Variants in ACVR1 observed in about 807,000 individuals in gnomAD.
ACVR1 encodes activin receptor type-1.
Under a neutral mutation model 57.1 loss-of-function variants are expected in ACVR1, and 38 were observed. The observed-to-expected ratio is 0.67, with a 90% CI of 0.51 to 0.87. The LOEUF is 0.87. Ranked by LOEUF, ACVR1 falls within the 40% of genes least tolerant of loss-of-function variation. The pLI, the probability that ACVR1 is intolerant of heterozygous loss-of-function variation, is 0.00. For missense variants in ACVR1, 463 were observed against 638.2 expected (o/e 0.73, Z 2.96); for synonymous variants, 212 against 228.1 (o/e 0.93, Z 0.63).
At chr2:157,787,669 T>C (rs1361628642) in intron 3 of ACVR1, among the ~76,000 whole-genome samples, 2 of 152,200 alleles carry the variant, frequency 1.3e-5, no homozygotes, top group Non-Finnish European at 2.9e-5. Context: ...GGAAGAATGG[T>C]TGATTCTGAG....
intron 9 of ACVR1, among the ~76,000 whole-genome samples, chr2:157,752,303 G>T (rs1020837556): frequency 6.6e-6 from 1 of 152,158 alleles, no homozygotes; most frequent in African/African-American, 2.4e-5. Flanking sequence ...AAAAGAATCT[G>T]AACAGCAGCC....
At chr2:157,836,897 G>T (rs1688802701) in intron 1 of ACVR1, among the ~76,000 whole-genome samples, 1 of 152,122 alleles carries the variant, frequency 6.6e-6, no homozygotes, top group African/African-American at 2.4e-5. Flanking sequence ...TCCTCTTCTG[G>T]ATATCTACTG....
intron 5 of ACVR1, among the ~76,000 whole-genome samples, chr2:157,775,473 T>C (rs1335412109): frequency 6.6e-6 from 1 of 152,378 alleles, no homozygotes; most frequent in Non-Finnish European, 1.5e-5. Context: ...ACATTTTGGC[T>C]GGCCTACTAA....
At chr2:157,791,203 C>T (rs1686897585) in intron 3 of ACVR1, among the ~76,000 whole-genome samples, 1 of 152,218 alleles carries the variant, frequency 6.6e-6, no homozygotes, top group Non-Finnish European at 1.5e-5. Context: ...GAAGCAGGAA[C>T]CACTTCTTGC....
intron 1 of ACVR1, among the ~76,000 whole-genome samples, chr2:157,819,103 A>AC (rs869173890): frequency 3.1e-5 from 4 of 128,546 alleles, no homozygotes; most frequent in African/African-American, 1.1e-4. Flanking sequence ...AAAAAAAAAA[A>AC]CCAGTAAGAT....
At chr2:157,756,968 T>C (rs888213873) in intron 9 of ACVR1, among the ~76,000 whole-genome samples, 9 of 144,388 alleles carry the variant, frequency 6.2e-5, no homozygotes, top group African/African-American at 2.1e-4. Flanking sequence ...ATTTTTTATA[T>C]ATATTTATAT....
rs1686360863 is a variant in ACVR1 at position 157,778,134 on chromosome 2, T to C, written c.540A>G (p.Leu180=). Residue 180 remains leucine, a synonymous_variant, in exon 5 of 11, where the codon TTA becomes TTG. Transcript: ENST00000434821. ...LITTNVGDST[L]ADLLDHSCTS... is the part of the protein sequence containing the mutation. ...TTCCTGTGGGGTCATGACTTACTGC[T>C]AAAGTGCTGTCTCCAACATTGGTGG... The C allele has an allele frequency of 6.2e-7, 1 of 1,613,676 alleles. No homozygotes were observed. Among genetic ancestry groups the C allele is most frequent in the Non-Finnish European group, 8.5e-7 (1 of 1,179,808 alleles).
intron 1 of ACVR1, among the ~76,000 whole-genome samples, chr2:157,862,422 TACACAC>T (rs68077740): frequency 0.011 from 1,629 of 143,278 alleles, 18 homozygotes; most frequent in South Asian, 0.021. Context: ...CATATACACA[TACACAC>T]ACACACACAC....
intron 9 of ACVR1, among the ~76,000 whole-genome samples, chr2:157,752,398 G>A (rs1044058190): frequency 6.6e-6 from 1 of 152,150 alleles, no homozygotes; most frequent in African/African-American, 2.4e-5. Context: ...ACAAAACAAG[G>A]TTCTTTAACA....
chr2:157,799,351 A>C (rs2105306091), intron 3 of ACVR1, 76 bp downstream of exon 3: 1 of 957,918 alleles, frequency 1.0e-6, no homozygotes, highest in East Asian at 2.4e-5. Context: ...GATAGGCTTA[A>C]GAAGTAGTTT....
At position 157,737,008 on chromosome 2, in the gene ACVR1, T is replaced by C; in HGVS notation, c.*523A>G. ...GTTTTGCCAAATTGAATTCCTATTA[T>C]CCAAAGACAGACCAGTGGAGTACGC... On this transcript the variant is annotated 3_prime_UTR_variant, in exon 11 of 11. Transcript: ENST00000434821. The C allele has an allele frequency of 3.5e-6, 1 of 288,910 alleles. No homozygotes were observed. The highest frequency in any genetic ancestry group is 6.4e-6 in the Non-Finnish European group (1 of 155,250). The allele number at this position is 288,910 out of a possible 1,614,324, so 17.9% of individuals were successfully genotyped here. A position where few individuals can be genotyped will look rare whatever the true frequency, so the allele number is the denominator to read the frequency against.
intron 9 of ACVR1, among the ~76,000 whole-genome samples, chr2:157,752,843 C>T (rs1160672682): frequency 3.9e-5 from 6 of 152,142 alleles, no homozygotes; most frequent in Non-Finnish European, 8.8e-5. Context: ...AACGGAACCT[C>T]TTTAAAGCAT....
intron 9 of ACVR1, among the ~76,000 whole-genome samples, chr2:157,751,395 A>G (rs1685186978): frequency 6.6e-6 from 1 of 152,208 alleles, no homozygotes; most frequent in African/African-American, 2.4e-5. Flanking sequence ...GACCACGGGG[A>G]GATGGAAACC....
chr2:157,737,441 T>A lies in ACVR1; in HGVS notation c.*90A>T. On this transcript the variant is annotated 3_prime_UTR_variant, in exon 11 of 11. Coordinates refer to ENST00000434821, the MANE Select transcript of ACVR1 (RefSeq NM_001111067.4). ...CCATTTGGGGAGGGAGACAGATGGA[T>A]TCCATTCTGACAACCAGTCAGGCCA... 1 of 1,517,318 alleles carries A rather than the reference T, an allele frequency of 6.6e-7. No homozygotes were observed. The highest frequency in any genetic ancestry group is 1.4e-5 in the African/African-American group (1 of 72,674). 94.0% of individuals were successfully genotyped at this position (1,517,318 alleles called of 1,614,324 possible).
intron 10 of ACVR1, 124 bp from the exon 11 acceptor site, chr2:157,737,789 A>T: frequency 7.8e-7 from 1 of 1,274,420 alleles, no homozygotes; most frequent in Non-Finnish European, 1.1e-6. Context: ...GAGTTATGTT[A>T]CTGTCATCTT....
intron 1 of ACVR1, among the ~76,000 whole-genome samples, chr2:157,866,004 AAATCTTGT>A (rs916562491): frequency 6.6e-6 from 1 of 152,148 alleles, no homozygotes; most frequent in African/African-American, 2.4e-5. Flanking sequence ...CCTGTACTTC[AAATCTTGT>A]ATTGTGCACA....
chr2:157,778,259 C>G lies in ACVR1; in HGVS notation c.415G>C (p.Ala139Pro). ...LSVVFAVCLL[A>P]CLLGVALRKF... ...CGGAGAGCAACTCCCAGCAGGCAGG[C>G]TAAAAGACATACTGCGAACACTACA... The change falls in exon 5 of 11, where the codon GCC becomes CCC. Residue 139 changes from alanine to proline, a missense_variant. Coordinates refer to ENST00000434821, the MANE Select transcript of ACVR1 (RefSeq NM_001111067.4). 6.2e-7 allele frequency: 1 copy of G among 1,613,982 alleles called. No individual in the cohort carries two copies. Among genetic ancestry groups the G allele is most frequent in the Non-Finnish European group, 8.5e-7 (1 of 1,179,956 alleles).
chr2:157,737,758 C>T lies in ACVR1; in HGVS notation c.1396-93G>A, dbSNP rs16842009. The T allele has an allele frequency of 2.2e-3, 3,358 of 1,515,496 alleles. 76 individuals are homozygous for T. In the African/African-American group the frequency reaches 0.041, roughly 18 times the overall value. The allele number at this position is 1,515,496 out of a possible 1,614,324, so 93.9% of individuals were successfully genotyped here. ...ATATCATGTCTACTATTCTGAAGAA[C>T]TCGCAGGTCTTGTGAAATTAGAGTT... On this transcript the variant is annotated intron_variant, in intron 10 of 10. Transcript: ENST00000434821.
intron 9 of ACVR1, among the ~76,000 whole-genome samples, chr2:157,758,260 C>T (rs1685509340): frequency 6.6e-6 from 1 of 151,972 alleles, no homozygotes; most frequent in Non-Finnish European, 1.5e-5. Context: ...TGTGCTCCCT[C>T]AGTATACATG....
Sources: allele counts gnomAD v4.1 joint callset (sites outside exome capture counted in the v4.1 genomes callset), GRCh38; gene constraint gnomAD v4.1.1; transcripts MANE v1.5; gene names NCBI Gene and HGNC (gene_info 2026-07-23, HGNC 2026-07-21).